ARHGEF26: variants seen among roughly 807,000 people sequenced by gnomAD.
The protein encoded by ARHGEF26 is Rho guanine nucleotide exchange factor 26.
Under a neutral mutation model 89.4 loss-of-function variants are expected in ARHGEF26, and 59 were observed. The ratio of observed to expected loss-of-function variants is 0.66; its 90% CI spans 0.54 to 0.82. The LOEUF (loss-of-function observed/expected upper bound fraction) is 0.82. ARHGEF26 is among the 40% of genes least tolerant of loss of function. The pLI is 0.00. For missense variants in ARHGEF26, 1,234 were observed against 1,085.6 expected (o/e 1.14, Z -1.92); for synonymous variants, 500 against 428.4 (o/e 1.17, Z -2.06).
At chr3:154,161,162 C>T (rs1711641537) in intron 6 of ARHGEF26, among the ~76,000 whole-genome samples, 1 of 151,102 alleles carries the variant, frequency 6.6e-6, no homozygotes, top group African/African-American at 2.4e-5. Context: ...TGTCCCTTTT[C>T]TGTCAAATAG....
chr3:154,227,816 A>G (rs1716587112), intron 11 of ARHGEF26, among the ~76,000 whole-genome samples: 1 of 152,180 alleles, frequency 6.6e-6, no homozygotes, highest in Non-Finnish European at 1.5e-5. Context: ...ATTTGATTTA[A>G]ATGGTAAAAT....
At chr3:154,156,958 G>A (rs994371474) in intron 6 of ARHGEF26, among the ~76,000 whole-genome samples, 4 of 151,964 alleles carry the variant, frequency 2.6e-5, no homozygotes, top group Admixed American at 6.6e-5. Context: ...TATAGGTTGC[G>A]GTCAGAACAT....
At chr3:154,196,674 A>C (rs1714309448) in intron 9 of ARHGEF26, among the ~76,000 whole-genome samples, 1 of 152,184 alleles carries the variant, frequency 6.6e-6, no homozygotes, top group African/African-American at 2.4e-5. Context: ...TTTTGGGAAC[A>C]GTAAGTAAAG....
At chr3:154,167,473 G>C (rs993692693) in intron 6 of ARHGEF26, among the ~76,000 whole-genome samples, 31 of 152,106 alleles carry the variant, frequency 2.0e-4, no homozygotes, top group African/African-American at 7.5e-4. Context: ...GTCTTTATCA[G>C]ATGTTTTAAT....
At chr3:154,130,639 A>G (rs545210086) in intron 4 of ARHGEF26, among the ~76,000 whole-genome samples, 17 of 152,190 alleles carry the variant, frequency 1.1e-4, no homozygotes, top group African/African-American at 3.4e-4. Context: ...CTGGCTTACA[A>G]TGTCACAGTT....
intron 6 of ARHGEF26, among the ~76,000 whole-genome samples, chr3:154,181,047 G>A (rs965014321): frequency 6.6e-6 from 1 of 152,184 alleles, no homozygotes; most frequent in Admixed American, 6.5e-5. Context: ...GGTTAGTGGC[G>A]GTGCGCTTGC....
At chr3:154,133,193 C>T (rs1174187235) in intron 4 of ARHGEF26, among the ~76,000 whole-genome samples, 5 of 152,202 alleles carry the variant, frequency 3.3e-5, no homozygotes, top group Non-Finnish European at 7.4e-5. Flanking sequence ...TGAGTCTGTG[C>T]TGTAATTTGT....
chr3:154,235,595 T>C (rs1452958317), intron 11 of ARHGEF26, among the ~76,000 whole-genome samples: 2 of 152,244 alleles, frequency 1.3e-5, no homozygotes, highest in Non-Finnish European at 2.9e-5. Context: ...CCTAGAGTGA[T>C]GATAGCTGTC....
intron 9 of ARHGEF26, among the ~76,000 whole-genome samples, chr3:154,213,216 A>AGTGT (rs536410427): frequency 3.1e-4 from 44 of 142,032 alleles, no homozygotes; most frequent in East Asian, 2.9e-3. Flanking sequence ...AGAGAGAGAG[A>AGTGT]GTGTGTGTGT....
intron 12 of ARHGEF26, among the ~76,000 whole-genome samples, chr3:154,248,986 A>G (rs908643515): frequency 1.3e-5 from 2 of 151,984 alleles, no homozygotes; most frequent in East Asian, 1.9e-4. Context: ...TCACAATCCT[A>G]TTCTTTACAA....
At chr3:154,208,379 G>A (rs1427596387) in intron 9 of ARHGEF26, among the ~76,000 whole-genome samples, 2 of 152,054 alleles carry the variant, frequency 1.3e-5, no homozygotes, top group Non-Finnish European at 2.9e-5. Flanking sequence ...TTCTTTATCT[G>A]TGACCTTTTG....
intron 10 of ARHGEF26, among the ~76,000 whole-genome samples, chr3:154,224,266 TA>T (rs35463080): frequency 6.6e-6 from 1 of 152,192 alleles, no homozygotes; most frequent in African/African-American, 2.4e-5. Flanking sequence ...AAACTATATA[TA>T]AAATGTTGGG....
rs537181914 is a variant in ARHGEF26, at chr3:154,217,105, A to G, written c.1846-764A>G. On this transcript the variant is annotated intron_variant, in intron 9 of 14. Transcript: ENST00000465093. Reference sequence around the variant, plus strand: ...TCTAGTTCTAGATCCCTGAGGAGTCACCACACTGACTTCCACAATGGTTGA... The same window carrying G: ...TCTAGTTCTAGATCCCTGAGGAGTCGCCACACTGACTTCCACAATGGTTGA... Among the ~76,000 whole-genome samples, 1,510 of 151,714 alleles carry G rather than the reference A, an allele frequency of 1.0e-2. 18 individuals are homozygous for G. Among genetic ancestry groups the G allele is most frequent in the African/African-American group, 0.034 (1,418 of 41,118 alleles).
intron 9 of ARHGEF26, among the ~76,000 whole-genome samples, chr3:154,203,850 C>A (rs1273607550): frequency 7.1e-6 from 1 of 141,518 alleles, no homozygotes; most frequent in Non-Finnish European, 1.5e-5. Context: ...GATAATCTCT[C>A]TTTTTTTTTT....
At chr3:154,199,541 TC>T (rs568106783) in intron 9 of ARHGEF26, among the ~76,000 whole-genome samples, 4 of 152,162 alleles carry the variant, frequency 2.6e-5, no homozygotes, top group Non-Finnish European at 5.9e-5. Context: ...GGCAGATATC[TC>T]TTTGATATAC....
chr3:154,256,565 A>AC lies in ARHGEF26; in HGVS notation c.*1092_*1093insC, dbSNP rs1446639616. On this transcript the variant is annotated 3_prime_UTR_variant, in exon 15 of 15. Transcript: ENST00000465093. ...TAATTAATTAAAAAAAAAAAAAAAA[A>AC]AAAAAAAAAACCTTCCCAAATGAGC... 48 of 999,740 alleles carry AC rather than the reference A, an allele frequency of 4.8e-5. No homozygotes were observed. The highest frequency in any genetic ancestry group is 6.0e-5 in the Admixed American group (1 of 16,576). The allele number at this position is 999,740 out of a possible 1,614,324, so 61.9% of individuals were successfully genotyped here. A position where few individuals can be genotyped will look rare whatever the true frequency, so the allele number is the denominator to read the frequency against.
At chr3:154,207,093 C>T (rs1715062978) in intron 9 of ARHGEF26, among the ~76,000 whole-genome samples, 1 of 152,078 alleles carries the variant, frequency 6.6e-6, no homozygotes, top group Non-Finnish European at 1.5e-5. Context: ...CTTTCTTATA[C>T]CATATACAAA....
chr3:154,226,653 T>G (rs545861689), intron 11 of ARHGEF26, among the ~76,000 whole-genome samples: 27 of 101,134 alleles, frequency 2.7e-4, no homozygotes, highest in African/African-American at 9.6e-4. Flanking sequence ...TCAGACTGTT[T>G]CTGTTCTACA....
chr3:154,139,974 A>G (rs950973019), intron 4 of ARHGEF26, among the ~76,000 whole-genome samples: 2 of 152,224 alleles, frequency 1.3e-5, no homozygotes, highest in African/African-American at 4.8e-5. Flanking sequence ...AGCCTATCCA[A>G]CTATAATAAT....
Sources: gnomAD v4.1 joint callset for allele counts (sites outside exome capture counted in the v4.1 genomes callset) on GRCh38, gnomAD v4.1.1 for gene constraint, MANE v1.5 for transcripts, NCBI Gene and HGNC (gene_info 2026-07-23, HGNC 2026-07-21) for gene names.